ZZZ3: variants seen among roughly 807,000 people sequenced by gnomAD.
ZZZ3 encodes the protein zinc finger ZZ-type containing 3.
Under a neutral mutation model 95.2 loss-of-function variants are expected in ZZZ3, and 22 were observed. The ratio of observed to expected loss-of-function variants is 0.23; its 90% CI spans 0.17 to 0.33. The LOEUF is 0.33. Among genes scored for constraint, ZZZ3 ranks in the 10% least tolerant of loss-of-function variants. The pLI is 1.00. For missense variants in ZZZ3, 885 were observed against 1,066.5 expected (o/e 0.83, Z 2.37); for synonymous variants, 335 against 358.9 (o/e 0.93, Z 0.75).
chr1:77,604,024 T>G (rs1664991386), intron 5 of ZZZ3, among the ~76,000 whole-genome samples: 1 of 152,102 alleles, frequency 6.6e-6, no homozygotes, highest in Non-Finnish European at 1.5e-5. Context: ...TAAAAATTAC[T>G]GGGTATGGTG....
intron 1 of ZZZ3, among the ~76,000 whole-genome samples, chr1:77,674,357 A>C (rs923056783): frequency 1.8e-4 from 28 of 152,248 alleles, no homozygotes; most frequent in Admixed American, 1.5e-3. Flanking sequence ...CCAAACACAA[A>C]AACAATACAT....
chr1:77,639,543 T>C lies in ZZZ3; in HGVS notation c.-146A>G, dbSNP rs1668584502. ...TATGATCTAGAATGGAGCTTAAGCA[T>C]CAGGGTTTCAGACTCTCTCAGCTTC... On this transcript the variant is annotated 5_prime_UTR_variant, in exon 4 of 15. It removes an upstream start codon present in the reference 5' UTR. Transcript: ENST00000370801. 1 of 1,232,208 alleles carries C rather than the reference T, an allele frequency of 8.1e-7. No homozygotes were observed. The highest frequency in any genetic ancestry group is 1.9e-5 in the South Asian group (1 of 53,692). The allele number at this position is 1,232,208 out of a possible 1,614,324, so 76.3% of individuals were successfully genotyped here. A position where few individuals can be genotyped will look rare whatever the true frequency, so the allele number is the denominator to read the frequency against.
chr1:77,632,291 G>C lies in ZZZ3; in HGVS notation c.1064C>G (p.Ser355Cys). 28 of 1,614,152 alleles carry C rather than the reference G, an allele frequency of 1.7e-5. No homozygotes were observed. The highest frequency in any genetic ancestry group is 2.3e-5 in the Non-Finnish European group (27 of 1,180,022). ...AGCTGAAACACAGTCTAGAACAGGA[G>C]ATGGTTCAGGTTCTCCGGAGGCTGG... ...SMPASGEPEP[S>C]PVLDCVSAQM... The change falls in exon 5 of 15, where the codon TCT becomes TGT. Residue 355 changes from serine (S) to cysteine (C), a missense_variant. By Grantham distance (112) the Ser-to-Cys change is moderately radical. Around this residue, in one of 5 missense-constraint regions of ZZZ3, gnomAD observed 556 missense variants for 652.9 expected, o/e 0.85. Transcript: ENST00000370801.
Position 77,562,617 on chromosome 1 carries a change from A to T in ZZZ3, c.*3023T>A, listed in dbSNP as rs1258413041. Reference sequence around the variant, plus strand: ...GGGAAGGGGGGAAAACAGACAAGGCATACTATTAGGTTAAGTGAGAAGCAC... The same window carrying T: ...GGGAAGGGGGGAAAACAGACAAGGCTTACTATTAGGTTAAGTGAGAAGCAC... On this transcript the variant is annotated 3_prime_UTR_variant, in exon 15 of 15. Transcript: ENST00000370801. 2.0e-5 allele frequency: 3 copies of T among 152,216 alleles called. No individual in the cohort carries two copies. The highest frequency in any genetic ancestry group is 7.2e-5 in the African/African-American group (3 of 41,436). 9.4% of individuals were successfully genotyped at this position (152,216 alleles called of 1,614,324 possible). A position where few individuals can be genotyped will look rare whatever the true frequency, so the allele number is the denominator to read the frequency against.
intron 4 of ZZZ3, among the ~76,000 whole-genome samples, chr1:77,636,125 T>C (rs1474723176): frequency 2.0e-5 from 3 of 152,222 alleles, no homozygotes; most frequent in African/African-American, 7.2e-5. Context: ...AATTCAACTA[T>C]ACTCATAATT....
Position 77,566,089 on chromosome 1 carries a change from A to G in ZZZ3, c.2559T>C (p.Cys853=), listed in dbSNP as rs958478004. ...ATGAAGAAAACACTTACCAGTCTGA[A>G]CAAGAATCACAGAAATCCAAAGACA... ...PEMSLDFCDS[C]SDCLHETDIH... Residue 853 remains cysteine (C), a synonymous_variant, in exon 14 of 15, where the codon TGT becomes TGC. Coordinates refer to ENST00000370801, the MANE Select transcript of ZZZ3 (RefSeq NM_015534.6). 3 of 1,612,386 alleles carry G rather than the reference A, an allele frequency of 1.9e-6. No homozygotes were observed. Among genetic ancestry groups the G allele is most frequent in the Non-Finnish European group, 2.5e-6 (3 of 1,179,000 alleles).
rs906348041 is a variant in ZZZ3 at position 77,565,403 on chromosome 1, C to T, written c.*237G>A. The T allele has an allele frequency of 1.2e-5, 5 of 421,468 alleles. No homozygotes were observed. The highest frequency in any genetic ancestry group is 8.2e-5 in the Admixed American group (2 of 24,340). 26.1% of individuals were successfully genotyped at this position (421,468 alleles called of 1,614,324 possible). ...ACCCATTTAAGATCACCACCTAAAA[C>T]GCAGTGGTGAAAAATTCACCAGGGA... On this transcript the variant is annotated 3_prime_UTR_variant, in exon 15 of 15. Transcript: ENST00000370801.
intron 1 of ZZZ3, among the ~76,000 whole-genome samples, chr1:77,658,746 T>C (rs1670519182): frequency 6.6e-6 from 1 of 152,210 alleles, no homozygotes; most frequent in South Asian, 2.1e-4. Context: ...TTTAAGCTGC[T>C]TCTGATATTA....
At chr1:77,590,479 C>G (rs1464049058) in intron 5 of ZZZ3, among the ~76,000 whole-genome samples, 1 of 152,222 alleles carries the variant, frequency 6.6e-6, no homozygotes, top group African/African-American at 2.4e-5. Context: ...TGGCTGCTTT[C>G]TAGCTATAAT....
At chr1:77,631,733 C>T (rs531938141) in intron 5 of ZZZ3, 117 bp downstream of exon 5, 9 of 857,870 alleles carry the variant, frequency 1.0e-5, no homozygotes, top group Non-Finnish European at 1.5e-5. Context: ...CATATTAAAC[C>T]TAAAATTTTA....
intron 1 of ZZZ3, among the ~76,000 whole-genome samples, chr1:77,662,013 C>T (rs1364811485): frequency 6.9e-6 from 1 of 145,624 alleles, no homozygotes; most frequent in Non-Finnish European, 1.5e-5. Context: ...TTTTTCTGTA[C>T]CATTGTTTTT....
intron 5 of ZZZ3, among the ~76,000 whole-genome samples, chr1:77,602,060 C>T (rs190063682): frequency 3.4e-4 from 52 of 152,230 alleles, no homozygotes; most frequent in South Asian, 6.2e-4. Flanking sequence ...TAAAAAGCTA[C>T]GTAAGAGAAA....
chr1:77,632,324 T>G lies in ZZZ3; in HGVS notation c.1031A>C (p.Glu344Ala). 6.2e-7 allele frequency: 1 copy of G among 1,614,176 alleles called. No individual in the cohort carries two copies. The highest frequency in any genetic ancestry group is 8.5e-7 in the Non-Finnish European group (1 of 1,180,024). Residue 344 changes from glutamate (E) to alanine (A), a missense_variant, in exon 5 of 15, where the codon GAG becomes GCG. This residue lies in a region of ZZZ3 where 556 missense variants were observed against 652.9 expected (regional missense o/e 0.85). Transcript: ENST00000370801. ...NTNNELDTSL[E>A]SMPASGEPEP... ...AGGTTCTCCGGAGGCTGGCATACTCTCAAGACTTGTGTCCAGTTCGTTATT... is the reference window on the plus strand; with the variant it reads ...AGGTTCTCCGGAGGCTGGCATACTCGCAAGACTTGTGTCCAGTTCGTTATT...
chr1:77,610,410 C>T (rs1665673439), intron 5 of ZZZ3, among the ~76,000 whole-genome samples: 1 of 151,938 alleles, frequency 6.6e-6, no homozygotes, highest in Non-Finnish European at 1.5e-5. Flanking sequence ...AATACCAATC[C>T]TACTCAAACT....
intron 5 of ZZZ3, among the ~76,000 whole-genome samples, chr1:77,625,105 A>AT (rs1300947474): frequency 6.6e-6 from 1 of 152,238 alleles, no homozygotes; most frequent in East Asian, 1.9e-4. Flanking sequence ...TCTATAAAAA[A>AT]TTACCAAAAT....
intron 5 of ZZZ3, among the ~76,000 whole-genome samples, chr1:77,612,204 A>C (rs1157758979): frequency 2.0e-5 from 3 of 152,062 alleles, no homozygotes; most frequent in Non-Finnish European, 4.4e-5. Context: ...CAACATCACT[A>C]ATCATCAGGG....
chr1:77,584,615 G>A lies in ZZZ3; in HGVS notation c.1546C>T (p.Gln516Ter), dbSNP rs758287099. ...LLQTIAVLEA[Q>*]RSQAVQDLES... is the part of the protein sequence containing the mutation. Reference sequence around the variant, plus strand: ...AGGTCTTGGACTGCTTGAGAACGCTGAGCCTCGAGTACAGCAATCGTCTGT... The same window carrying A: ...AGGTCTTGGACTGCTTGAGAACGCTAAGCCTCGAGTACAGCAATCGTCTGT... The change falls in exon 6 of 15, where the codon CAG becomes TAG. Residue 516 changes from glutamine (Q) to a stop codon, truncating the protein, a stop_gained. Coordinates refer to ENST00000370801, the MANE Select transcript of ZZZ3 (RefSeq NM_015534.6). LOFTEE classifies it high-confidence loss of function. The A allele has an allele frequency of 6.2e-7, 1 of 1,611,928 alleles. No individual in the cohort carries two copies. Among genetic ancestry groups the A allele is most frequent in the Non-Finnish European group, 8.5e-7 (1 of 1,179,226 alleles).
At chr1:77,640,600 C>CAAA (rs78243648) in intron 3 of ZZZ3, among the ~76,000 whole-genome samples, 5 of 76,666 alleles carry the variant, frequency 6.5e-5, no homozygotes, top group Non-Finnish European at 1.1e-4. Flanking sequence ...AACTCAGTCT[C>CAAA]AAAAAAAAAA....
chr1:77,669,081 A>G (rs1055995920), intron 1 of ZZZ3, among the ~76,000 whole-genome samples: 12 of 152,142 alleles, frequency 7.9e-5, no homozygotes, highest in African/African-American at 2.9e-4. Flanking sequence ...TCATCCCCAG[A>G]GTTCTTAAAA....
Sources: allele counts gnomAD v4.1 joint callset (sites outside exome capture counted in the v4.1 genomes callset), GRCh38; gene constraint gnomAD v4.1.1; regional missense constraint gnomAD v4.1.1; transcripts MANE v1.5; gene names NCBI Gene and HGNC (gene_info 2026-07-23, HGNC 2026-07-21).